Variants in HOMER2 observed in about 807,000 individuals in gnomAD.
HOMER2 encodes homer protein homolog 2.
HOMER2 carries 27 observed loss-of-function variants against 47.0 expected under a neutral mutation model. That is an observed-to-expected ratio of 0.57 (90% CI 0.42 to 0.79). The LOEUF (loss-of-function observed/expected upper bound fraction) is 0.79, where lower values mean the gene tolerates loss of function less well. Among genes scored for constraint, HOMER2 ranks in the 30% least tolerant of loss-of-function variants. The pLI is 0.00. For missense variants in HOMER2, 443 were observed against 435.0 expected, an observed-to-expected ratio of 1.02 and a Z score of -0.16; for synonymous variants, 161 against 163.8, an observed-to-expected ratio of 0.98 and a Z score of 0.13.
rs7183412 is a variant in HOMER2 at position 82,852,018 on chromosome 15, C to T, written c.762+124G>A. 2.1e-3 allele frequency: 1,362 copies of T among 649,398 alleles called. 12 individuals carry two copies. In the African/African-American group the frequency reaches 0.022, roughly 11 times the overall value. 40.2% of individuals were successfully genotyped at this position (649,398 alleles called of 1,614,324 possible). A position where few individuals can be genotyped will look rare whatever the true frequency, so the allele number is the denominator to read the frequency against. On this transcript the variant is annotated intron_variant, in intron 7 of 8. Transcript: ENST00000450735. Reference sequence around the variant, plus strand: ...CTGCACCTTGCTGTGGCTCCCAGCTCTCTCTCCGTGCTGCTATCCAGGCAG... The same window carrying T: ...CTGCACCTTGCTGTGGCTCCCAGCTTTCTCTCCGTGCTGCTATCCAGGCAG...
At chr15:82,915,018 CA>C (rs1417585070) in intron 1 of HOMER2, among the ~76,000 whole-genome samples, 1 of 151,824 alleles carries the variant, frequency 6.6e-6, no homozygotes, top group Non-Finnish European at 1.5e-5. Context: ...ACAAAAAATA[CA>C]AAAACTAGCT....
chr15:82,938,908 C>T (rs2054199894), intron 1 of HOMER2, among the ~76,000 whole-genome samples: 1 of 152,170 alleles, frequency 6.6e-6, no homozygotes, highest in Non-Finnish European at 1.5e-5. Context: ...CTCTCTCCTC[C>T]AGCCTTCCTC....
chr15:82,938,525 T>C (rs2054190730), intron 1 of HOMER2, among the ~76,000 whole-genome samples: 1 of 152,114 alleles, frequency 6.6e-6, no homozygotes, highest in African/African-American at 2.4e-5. Context: ...CCTCCAACCT[T>C]ACTGCCTCTC....
At chr15:82,921,258 A>G (rs148068048) in intron 1 of HOMER2, among the ~76,000 whole-genome samples, 1 of 152,296 alleles carries the variant, frequency 6.6e-6, no homozygotes, top group East Asian at 1.9e-4. Flanking sequence ...ACTGCACTCC[A>G]GCCTGGAGGA....
At chr15:82,878,010 G>A (rs758913149) in intron 2 of HOMER2, among the ~76,000 whole-genome samples, 9 of 152,166 alleles carry the variant, frequency 5.9e-5, no homozygotes, top group Non-Finnish European at 1.0e-4. Flanking sequence ...GATCAGGATG[G>A]ATCACGTGAC....
rs201705050 is a variant in HOMER2, at chr15:82,849,920, G to C, written c.844-17C>G. 3.5e-5 allele frequency: 57 copies of C among 1,611,808 alleles called. No homozygotes were observed. Among genetic ancestry groups the C allele is most frequent in the Non-Finnish European group, 4.8e-5 (57 of 1,178,520 alleles). ...CTCTGCCGCCTGGCCAAGCAAAAGG[G>C]AGAAGGGTCTAGAAAACTGAGTGAC... is the stretch of plus-strand genomic sequence containing the variant. On this transcript the variant is annotated splice_polypyrimidine_tract_variant and intron_variant, in intron 8 of 8. Transcript: ENST00000450735.
intron 1 of HOMER2, among the ~76,000 whole-genome samples, chr15:82,970,685 A>G (rs1353681214): frequency 6.6e-6 from 1 of 152,228 alleles, no homozygotes; most frequent in African/African-American, 2.4e-5. Context: ...AACGAAGTAG[A>G]TTGATATCTT....
chr15:82,972,336 A>AATAC (rs1443294152), intron 1 of HOMER2, among the ~76,000 whole-genome samples: 2 of 152,346 alleles, frequency 1.3e-5, no homozygotes, highest in African/African-American at 4.8e-5. Flanking sequence ...TCTGGCTAAG[A>AATAC]ATACAAATTA....
intron 1 of HOMER2, among the ~76,000 whole-genome samples, chr15:82,907,509 A>G (rs1161614960): frequency 6.6e-6 from 1 of 152,030 alleles, no homozygotes; most frequent in African/African-American, 2.4e-5. Flanking sequence ...GCAAGAAGGA[A>G]GGAAGGAAGG....
At chr15:82,949,756 T>C (rs1015354610) in intron 1 of HOMER2, among the ~76,000 whole-genome samples, 3 of 152,172 alleles carry the variant, frequency 2.0e-5, no homozygotes, top group Non-Finnish European at 4.4e-5. Context: ...ACTAGCTACA[T>C]GTGGCTATTT....
chr15:82,867,871 C>T (rs910917747), intron 3 of HOMER2, among the ~76,000 whole-genome samples: 1 of 152,152 alleles, frequency 6.6e-6, no homozygotes, highest in Non-Finnish European at 1.5e-5. Context: ...ATATGGAACA[C>T]TGGAAACAAC....
intron 1 of HOMER2, among the ~76,000 whole-genome samples, chr15:82,908,110 G>C (rs1319285439): frequency 6.7e-6 from 1 of 150,116 alleles, no homozygotes; most frequent in Non-Finnish European, 1.5e-5. Flanking sequence ...CCAGGGTAGA[G>C]GAAATTGGGA....
In HOMER2 at chr15:82,859,049, C is replaced by CA; in HGVS notation, c.473dup (p.Lys159GlufsTer51). 6.2e-7 allele frequency: 1 copy of CA among 1,613,980 alleles called. No homozygotes were observed. Among genetic ancestry groups the CA allele is most frequent in the Non-Finnish European group, 8.5e-7 (1 of 1,179,872 alleles). On this transcript the variant is annotated frameshift_variant, in exon 5 of 9. Coordinates refer to ENST00000450735, the MANE Select transcript of HOMER2 (RefSeq NM_004839.4). LOFTEE classifies it high-confidence loss of function. The stretch of plus-strand genomic sequence containing the variant: ...CTTACCTCTGCGTCAAGGCAATCTT[C>CA]AGCTTGTCATTCTCAGACTTCAGGT...
At chr15:82,870,548 ACTT>A (rs1376333766) in intron 3 of HOMER2, among the ~76,000 whole-genome samples, 1 of 152,194 alleles carries the variant, frequency 6.6e-6, no homozygotes, top group Non-Finnish European at 1.5e-5. Flanking sequence ...CTGCCTCAGG[ACTT>A]CTTCACATGA....
intron 1 of HOMER2, among the ~76,000 whole-genome samples, chr15:82,970,853 C>T (rs1294461051): frequency 6.6e-6 from 1 of 152,214 alleles, no homozygotes; most frequent in East Asian, 1.9e-4. Flanking sequence ...TCTCCAGCTC[C>T]TGTTTGTCTA....
intron 1 of HOMER2, among the ~76,000 whole-genome samples, chr15:82,904,282 G>A (rs958550396): frequency 3.3e-5 from 5 of 152,180 alleles, no homozygotes; most frequent in Non-Finnish European, 5.9e-5. Context: ...AAAGCCATAA[G>A]CAGAGACCTC....
intron 1 of HOMER2, among the ~76,000 whole-genome samples, chr15:82,900,733 G>A (rs947361180): frequency 6.6e-6 from 1 of 152,156 alleles, no homozygotes; most frequent in African/African-American, 2.4e-5. Context: ...TGCACCCTAG[G>A]AAGAGTCTGC....
chr15:82,860,986 C>T (rs2448607), intron 4 of HOMER2, among the ~76,000 whole-genome samples: 1 of 137,098 alleles, frequency 7.3e-6, no homozygotes, highest in African/African-American at 2.8e-5. Context: ...AGAGAGAAAG[C>T]GAAAGAGAAA....
intron 2 of HOMER2, among the ~76,000 whole-genome samples, chr15:82,880,593 G>A (rs2052491016): frequency 6.6e-6 from 1 of 152,192 alleles, no homozygotes; most frequent in Non-Finnish European, 1.5e-5. Flanking sequence ...AAGTTGTTAG[G>A]GAGGCTAATC....
Sources: gnomAD v4.1 joint callset for allele counts (sites outside exome capture counted in the v4.1 genomes callset) on GRCh38, gnomAD v4.1.1 for gene constraint, MANE v1.5 for transcripts, NCBI Gene and HGNC (gene_info 2026-07-23, HGNC 2026-07-21) for gene names.